Variants in TAFA2 observed in about 807,000 individuals in gnomAD.
TAFA2 encodes the protein TAFA chemokine like family member 2.
Under a neutral mutation model 18.8 loss-of-function variants are expected in TAFA2, and 7 were observed. That is an observed-to-expected ratio of 0.37 (90% CI 0.21 to 0.70). The LOEUF is 0.70. TAFA2 is among the 30% of genes least tolerant of loss of function. TAFA2 has a pLI of 0.53. For missense variants in TAFA2, 122 were observed against 158.1 expected (o/e 0.77, Z 1.23); for synonymous variants, 60 against 54.2 (o/e 1.11, Z -0.47).
rs141328467 is a variant in TAFA2 at position 62,141,725 on chromosome 12, C to T, written c.-2+49534G>A. ...TATGCAAGCCAAACAATTATGCTAA[C>T]AGCCATGCCCCAAACAGGGGGAGCT... On this transcript the variant is annotated intron_variant, in intron 1 of 4. Transcript: ENST00000416284. 7.6e-3 allele frequency among the ~76,000 whole-genome samples: 1,150 copies of T among 152,294 alleles called. 7 individuals are homozygous for T. The highest frequency in any genetic ancestry group is 0.026 in the African/African-American group (1,061 of 41,556).
intron 1 of TAFA2, among the ~76,000 whole-genome samples, chr12:62,162,298 C>T (rs1263298035): frequency 2.6e-5 from 4 of 152,204 alleles, no homozygotes; most frequent in African/African-American, 9.7e-5. Flanking sequence ...TTACATAAAA[C>T]TTCTTAGCTA....
chr12:61,710,178 A>G lies in TAFA2; in HGVS notation c.*228T>C, dbSNP rs952695807. ...CTTCAAATTCTTTTAACAATTTACA[A>G]GTTGAACACAGTTCAAATCTGCTGA... On this transcript the variant is annotated 3_prime_UTR_variant, in exon 5 of 5. Transcript: ENST00000416284. 10 of 468,974 alleles carry G rather than the reference A, an allele frequency of 2.1e-5. No homozygotes were observed. The highest frequency in any genetic ancestry group is 3.1e-4 in the Middle Eastern group (1 of 3,210). The allele number at this position is 468,974 out of a possible 1,614,324, so 29.1% of individuals were successfully genotyped here.
chr12:61,994,867 G>A (rs1031390308), intron 1 of TAFA2, among the ~76,000 whole-genome samples: 35 of 152,004 alleles, frequency 2.3e-4, no homozygotes, highest in African/African-American at 8.2e-4. Flanking sequence ...TTGAGCCTGG[G>A]CCAGCTCTTC....
intron 1 of TAFA2, among the ~76,000 whole-genome samples, chr12:62,257,663 G>C (rs2062947306): frequency 6.6e-6 from 1 of 152,114 alleles, no homozygotes; most frequent in Non-Finnish European, 1.5e-5. Context: ...GACAAAAAAG[G>C]TACAGAGAGT....
At chr12:61,755,652 C>T (rs1204463388) in intron 2 of TAFA2, among the ~76,000 whole-genome samples, 1 of 152,096 alleles carries the variant, frequency 6.6e-6, no homozygotes, top group East Asian at 1.9e-4. Flanking sequence ...GGGCAACTGT[C>T]ACCAAATGGT....
At chr12:62,113,737 A>G (rs12829595) in intron 1 of TAFA2, among the ~76,000 whole-genome samples, 34,128 of 152,140 alleles carry the variant, frequency 0.22, 4,201 homozygotes, top group East Asian at 0.37. Context: ...ACAGCTTTGC[A>G]GAGCTGCAAT....
intron 1 of TAFA2, among the ~76,000 whole-genome samples, chr12:61,934,859 T>C (rs1186249666): frequency 6.6e-6 from 1 of 152,222 alleles, no homozygotes; most frequent in South Asian, 2.1e-4. Flanking sequence ...TGATTGATTT[T>C]GCAATATTCT....
intron 1 of TAFA2, among the ~76,000 whole-genome samples, chr12:61,939,194 T>G (rs1410889560): frequency 6.6e-6 from 1 of 152,212 alleles, no homozygotes; most frequent in South Asian, 2.1e-4. Context: ...TAATTTGAAT[T>G]TACCATTTAA....
intron 1 of TAFA2, among the ~76,000 whole-genome samples, chr12:62,128,887 C>T (rs1205125794): frequency 6.6e-6 from 1 of 152,030 alleles, no homozygotes; most frequent in Non-Finnish European, 1.5e-5. Flanking sequence ...AAATACGATA[C>T]ATTAAATCTG....
chr12:61,775,746 A>T (rs1233156598), intron 2 of TAFA2, among the ~76,000 whole-genome samples: 1 of 151,890 alleles, frequency 6.6e-6, no homozygotes, highest in Non-Finnish European at 1.5e-5. Context: ...CATAGAATGT[A>T]CAAAACCAAA....
intron 4 of TAFA2, among the ~76,000 whole-genome samples, chr12:61,712,274 T>A (rs914684357): frequency 6.6e-6 from 1 of 152,120 alleles, no homozygotes; most frequent in East Asian, 1.9e-4. Context: ...TTAGTGAGTA[T>A]AATAGATGCA....
intron 1 of TAFA2, among the ~76,000 whole-genome samples, chr12:61,940,580 G>T (rs1011288700): frequency 3.3e-5 from 5 of 152,182 alleles, no homozygotes; most frequent in African/African-American, 1.2e-4. Context: ...AGATTACAAT[G>T]GGCCTCAGAT....
intron 1 of TAFA2, among the ~76,000 whole-genome samples, chr12:61,931,962 T>G (rs968841607): frequency 6.6e-6 from 1 of 152,196 alleles, no homozygotes; most frequent in Admixed American, 6.5e-5. Context: ...CCTTACAAAT[T>G]TTATACCTAA....
At chr12:61,887,435 CTTTTT>C (rs56953703) in intron 1 of TAFA2, among the ~76,000 whole-genome samples, 1 of 146,728 alleles carries the variant, frequency 6.8e-6, no homozygotes, top group Non-Finnish European at 1.5e-5. Context: ...GAGCTAATTG[CTTTTT>C]TTTTTTATTA....
intron 2 of TAFA2, among the ~76,000 whole-genome samples, chr12:61,828,970 A>G (rs190389156): frequency 2.6e-5 from 4 of 151,904 alleles, no homozygotes; most frequent in South Asian, 2.1e-4. Flanking sequence ...ATGACTCCAC[A>G]TAGACAGTAT....
intron 1 of TAFA2, among the ~76,000 whole-genome samples, chr12:61,952,833 T>C (rs1363563909): frequency 6.6e-6 from 1 of 152,122 alleles, no homozygotes; most frequent in Non-Finnish European, 1.5e-5. Context: ...CGTGATTATA[T>C]GTATGATTAT....
At chr12:61,961,496 T>G (rs1878884334) in intron 1 of TAFA2, among the ~76,000 whole-genome samples, 1 of 152,008 alleles carries the variant, frequency 6.6e-6, no homozygotes, top group Non-Finnish European at 1.5e-5. Flanking sequence ...GGGAGTTTCT[T>G]TCTTGAAATA....
At chr12:62,122,780 G>A (rs574280515) in intron 1 of TAFA2, among the ~76,000 whole-genome samples, 3 of 152,226 alleles carry the variant, frequency 2.0e-5, no homozygotes, top group African/African-American at 7.2e-5. Flanking sequence ...TGGGTACATT[G>A]AGAAACACCA....
chr12:62,130,551 T>A (rs1369578256), intron 1 of TAFA2, among the ~76,000 whole-genome samples: 1 of 151,924 alleles, frequency 6.6e-6, no homozygotes, highest in African/African-American at 2.4e-5. Flanking sequence ...TTAGTGTTCC[T>A]TATTATTTCA....
Sources: gnomAD v4.1 joint callset for allele counts (sites outside exome capture counted in the v4.1 genomes callset) on GRCh38, gnomAD v4.1.1 for gene constraint, MANE v1.5 for transcripts, NCBI Gene and HGNC (gene_info 2026-07-23, HGNC 2026-07-21) for gene names.